POLQ: variants seen among roughly 807,000 people sequenced by gnomAD.
POLQ encodes the protein DNA polymerase theta.
A neutral mutation model predicts 259.2 loss-of-function variants in POLQ; 233 were observed. That is an observed-to-expected ratio of 0.90 (90% CI 0.81 to 1.00). The LOEUF (loss-of-function observed/expected upper bound fraction) is 1.00, where lower values mean the gene tolerates loss of function less well. Among genes scored for constraint, POLQ ranks in the 50% least tolerant of loss-of-function variants. POLQ has a pLI of 0.00. For missense variants in POLQ, 2,871 were observed against 3,051.6 expected (o/e 0.94, Z 1.39); for synonymous variants, 1,025 against 1,048.8 (o/e 0.98, Z 0.44).
intron 15 of POLQ, among the ~76,000 whole-genome samples, 159 bp downstream of exon 15, chr3:121,493,319 T>A (rs987071326): frequency 4.0e-5 from 6 of 151,712 alleles, no homozygotes; most frequent in African/African-American, 9.7e-5. Flanking sequence ...AAAAAAGTAA[T>A]CTGCAATGGG....
chr3:121,498,380 T>G, intron 13 of POLQ, 97 bp downstream of exon 13: 1 of 790,594 alleles, frequency 1.3e-6, no homozygotes. Context: ...AAAATTTTGA[T>G]TTTATTGACA....
rs562688861 is a variant in POLQ at position 121,493,156 on chromosome 3, G to C, written c.2522+322C>G. ...GTCTCTACTAAAAATACAAAAATTA[G>C]CTGGGCCTGGTGGTGGGTGCCTATA... On this transcript the variant is annotated intron_variant, in intron 15 of 29. Coordinates refer to ENST00000264233, the MANE Select transcript of POLQ (RefSeq NM_199420.4). Among the ~76,000 whole-genome samples the C allele has an allele frequency of 5.3e-4, 81 of 152,094 alleles. 1 individual carries two copies. The highest frequency in any genetic ancestry group is 2.1e-4 in the Non-Finnish European group (14 of 68,006).
At chr3:121,458,137 A>G (rs2047758274) in intron 25 of POLQ, among the ~76,000 whole-genome samples, 1 of 152,136 alleles carries the variant, frequency 6.6e-6, no homozygotes, top group Non-Finnish European at 1.5e-5. Context: ...TCGCAAGAAC[A>G]AAAAACCAAA....
rs555253413 is a variant in POLQ, at chr3:121,488,722, A to G, written c.4209T>C (p.Asp1403=). 35 of 1,614,050 alleles carry G rather than the reference A, an allele frequency of 2.2e-5. 1 individual carries two copies. The South Asian group carries it at 3.4e-4, about 16-fold the overall frequency. Residue 1403 remains aspartate (D), a synonymous_variant, in exon 16 of 30, where the codon GAT becomes GAC. Transcript: ENST00000264233. ...KTVGTMKQSS[D]SHGVDILTPE... ...GAGTCAGGATATCAACCCCATGTGA[A>G]TCACTGCTTTGTTTCATAGTACCTA...
chr3:121,477,477 T>A (rs2047936158), intron 19 of POLQ, among the ~76,000 whole-genome samples: 2 of 152,224 alleles, frequency 1.3e-5, no homozygotes, highest in Non-Finnish European at 2.9e-5. Flanking sequence ...TCCAAAAAAA[T>A]CTGAAACGTA....
chr3:121,464,732 T>C (rs767934776), intron 24 of POLQ, among the ~76,000 whole-genome samples: 12 of 152,208 alleles, frequency 7.9e-5, no homozygotes, highest in Non-Finnish European at 1.5e-4. Context: ...TAAAATATTG[T>C]ATAAATTACC....
intron 14 of POLQ, among the ~76,000 whole-genome samples, chr3:121,496,044 T>C (rs570755447): frequency 1.3e-5 from 2 of 151,996 alleles, no homozygotes; most frequent in Non-Finnish European, 2.9e-5. Context: ...AGACCCAGAA[T>C]TTCTCGTTTG....
chr3:121,517,195 T>C (rs959813449), intron 9 of POLQ, among the ~76,000 whole-genome samples: 1 of 152,014 alleles, frequency 6.6e-6, no homozygotes. Flanking sequence ...CCACTGAAAA[T>C]TGGGGATGGA....
chr3:121,509,606 T>G lies in POLQ; in HGVS notation c.1914A>C (p.Ala638=). ...CATTCTCTAAAACAAAGCCCTTCAT[T>G]GCTCTTTGCAGGTCAGCAAAAATAT... The part of the protein sequence containing the change: ...TLDIFADLQR[A]MKGFVLENDL... The change falls in exon 12 of 30, where the codon GCA becomes GCC. Residue 638 remains alanine, a synonymous_variant. Coordinates refer to ENST00000264233, the MANE Select transcript of POLQ (RefSeq NM_199420.4). 1 of 1,613,710 alleles carries G rather than the reference T, an allele frequency of 6.2e-7. No individual in the cohort carries two copies. Among genetic ancestry groups the G allele is most frequent in the Non-Finnish European group, 8.5e-7 (1 of 1,179,632 alleles).
intron 25 of POLQ, among the ~76,000 whole-genome samples, chr3:121,456,644 GA>G (rs1401691501): frequency 1.3e-5 from 2 of 151,300 alleles, no homozygotes; most frequent in Non-Finnish European, 3.0e-5. Context: ...TTGCTTCAAA[GA>G]GAATAAAATA....
intron 7 of POLQ, among the ~76,000 whole-genome samples, chr3:121,522,689 C>A (rs1044631121): frequency 6.6e-6 from 1 of 152,114 alleles, no homozygotes; most frequent in African/African-American, 2.4e-5. Flanking sequence ...GTGACCTGGA[C>A]ATGAAGAATT....
chr3:121,500,447 T>C (rs889035831), intron 12 of POLQ, among the ~76,000 whole-genome samples: 1 of 152,156 alleles, frequency 6.6e-6, no homozygotes, highest in African/African-American at 2.4e-5. Flanking sequence ...ATGGATAATT[T>C]ACTAGAGAGA....
At chr3:121,544,661 C>A in intron 2 of POLQ, 66 bp downstream of exon 2, 5 of 1,060,988 alleles carry the variant, frequency 4.7e-6, no homozygotes, top group Non-Finnish European at 7.1e-6. Flanking sequence ...ACCACAACTA[C>A]CTCAATAGAG....
intron 28 of POLQ, 52 bp downstream of exon 28, chr3:121,436,070 T>C (rs1007184735): frequency 4.2e-6 from 6 of 1,414,486 alleles, no homozygotes; most frequent in Non-Finnish European, 5.9e-6. Flanking sequence ...TTTACATTTC[T>C]GATACAATTA....
At chr3:121,538,772 G>C (rs1419703991) in intron 4 of POLQ, among the ~76,000 whole-genome samples, 1 of 151,934 alleles carries the variant, frequency 6.6e-6, no homozygotes, top group Non-Finnish European at 1.5e-5. Flanking sequence ...ATGGAGCATA[G>C]CCTATGTCTG....
chr3:121,436,274 G>A lies in POLQ; in HGVS notation c.7391C>T (p.Ala2464Val), dbSNP rs1560082812. Residue 2464 changes from alanine to valine, a missense_variant and splice_region_variant, in exon 28 of 30, where the codon GCT (alanine) becomes GTT (valine). This residue lies in a region of POLQ where 2,080 missense variants were observed against 2,126.0 expected (regional missense o/e 0.98). Transcript: ENST00000264233. ...KDNNPYRKAH[A>V]ERQAINTIVQ... ...TATTGTGTTGATAGCTTGACGCTCA[G>A]CCTAGAAAAAACAATCAACAGGTGC... The A allele has an allele frequency of 6.2e-7, 1 of 1,613,408 alleles. No individual in the cohort carries two copies.
chr3:121,520,696 C>A (rs774488225), intron 8 of POLQ, among the ~76,000 whole-genome samples: 2 of 152,180 alleles, frequency 1.3e-5, no homozygotes, highest in Admixed American at 1.3e-4. Context: ...AGCAACAGAA[C>A]AAATGGGCAT....
intron 15 of POLQ, 71 bp from the exon 16 acceptor site, chr3:121,490,479 A>C: frequency 8.1e-7 from 1 of 1,239,070 alleles, no homozygotes; most frequent in Non-Finnish European, 1.2e-6. Flanking sequence ...TTAAACATGC[A>C]ATCTGAGCTG....
intron 20 of POLQ, among the ~76,000 whole-genome samples, chr3:121,474,402 C>A (rs2047909547): frequency 6.6e-6 from 1 of 152,110 alleles, no homozygotes; most frequent in Non-Finnish European, 1.5e-5. Context: ...AGGTGGAAGA[C>A]CCCATGTAAC....
Sources: gnomAD v4.1 joint callset for allele counts (sites outside exome capture counted in the v4.1 genomes callset) on GRCh38, gnomAD v4.1.1 for gene constraint, gnomAD v4.1.1 regional missense constraint, MANE v1.5 for transcripts, NCBI Gene and HGNC (gene_info 2026-07-23, HGNC 2026-07-21) for gene names.